Variants in PPARGC1A observed in about 807,000 individuals in gnomAD.
PPARGC1A encodes the protein PPARG coactivator 1 alpha, also known as peroxisome proliferator-activated receptor gamma coactivator 1-alpha.
Under a neutral mutation model 88.7 loss-of-function variants are expected in PPARGC1A, and 25 were observed. The observed-to-expected ratio is 0.28, with a 90% CI of 0.21 to 0.39. The LOEUF is 0.39. PPARGC1A is among the 10% of genes least tolerant of loss of function. The pLI, the probability that PPARGC1A is intolerant of heterozygous loss-of-function variation, is 1.00. For missense variants in PPARGC1A, 880 were observed against 968.7 expected, an observed-to-expected ratio of 0.91 and a Z score of 1.22; for synonymous variants, 363 against 355.6, an observed-to-expected ratio of 1.02 and a Z score of -0.24.
At chr4:24,386,463 C>A in the PPARGC1A span, among the ~76,000 whole-genome samples, 1 of 152,198 alleles carries the variant, frequency 6.6e-6, no homozygotes, top group Non-Finnish European at 1.5e-5. Flanking sequence ...TCTCTGTTTG[C>A]AGATGACATG....
chr4:23,899,088 C>CG (rs928726793), intron 1 of PPARGC1A, among the ~76,000 whole-genome samples: 2 of 152,144 alleles, frequency 1.3e-5, no homozygotes, highest in Admixed American at 6.5e-5. Flanking sequence ...GATCCACCCC[C>CG]CCCCGGCCTT....
chr4:24,176,909 C>A, the PPARGC1A span, among the ~76,000 whole-genome samples: 5 of 152,124 alleles, frequency 3.3e-5, no homozygotes, highest in African/African-American at 9.7e-5. Context: ...GAAACTTAAC[C>A]TTTTCAATTC....
At chr4:23,903,199 C>G (rs942204417), upstream of PPARGC1A, among the ~76,000 whole-genome samples, 1 of 152,084 alleles carries the variant, frequency 6.6e-6, no homozygotes. Flanking sequence ...AAAAGAATAT[C>G]AAGCATCATT....
At chr4:23,906,797 T>C (rs1385884288), upstream of PPARGC1A, among the ~76,000 whole-genome samples, 1 of 151,944 alleles carries the variant, frequency 6.6e-6, no homozygotes, top group South Asian at 2.1e-4. Context: ...TAGTCAAATA[T>C]GAAAAGGGTC....
intron 2 of PPARGC1A, among the ~76,000 whole-genome samples, chr4:23,838,450 T>G (rs1468700132): frequency 6.6e-6 from 1 of 152,090 alleles, no homozygotes; most frequent in Non-Finnish European, 1.5e-5. Context: ...GGGCTGAGAA[T>G]AAGGTATGGG....
the PPARGC1A span, among the ~76,000 whole-genome samples, chr4:23,954,366 G>A: frequency 6.6e-6 from 1 of 151,912 alleles, no homozygotes; most frequent in Non-Finnish European, 1.5e-5. Context: ...TTAAGCAACG[G>A]TCATTTTAGA....
rs113705315 is a variant in PPARGC1A at position 23,867,330 on chromosome 4, T to C, written c.234+17422A>G. ...GCATTATGTACTTAATACATCTTTG[T>C]ATTATGCGCACTTAAATTAGTGCCT... On this transcript the variant is annotated intron_variant, in intron 2 of 12. Transcript: ENST00000264867. Among the ~76,000 whole-genome samples, 1,203 of 152,324 alleles carry C rather than the reference T, an allele frequency of 7.9e-3. 22 individuals carry two copies. The highest frequency in any genetic ancestry group is 0.07 in the South Asian group (337 of 4,822).
At chr4:23,884,121 T>C (rs1403596795) in intron 2 of PPARGC1A, 2 of 152,192 alleles carry the variant, frequency 1.3e-5, no homozygotes, top group African/African-American at 4.8e-5. Flanking sequence ...ATTAACATTC[T>C]TTATTATAGG....
At chr4:23,807,938 A>C (rs2109397445) in intron 10 of PPARGC1A, among the ~76,000 whole-genome samples, 1 of 152,274 alleles carries the variant, frequency 6.6e-6, no homozygotes, top group South Asian at 2.1e-4. Context: ...ACCCACACAA[A>C]ATATCTCTTT....
At chr4:24,110,897 A>T in the PPARGC1A span, among the ~76,000 whole-genome samples, 2 of 152,228 alleles carry the variant, frequency 1.3e-5, no homozygotes, top group Non-Finnish European at 1.5e-5. Context: ...ACATGAAAGA[A>T]ACATGTCTGA....
the PPARGC1A span, among the ~76,000 whole-genome samples, chr4:24,336,619 G>A: frequency 0.2 from 29,988 of 152,002 alleles, 3,170 homozygotes; most frequent in African/African-American, 0.24. Flanking sequence ...TTACATACAT[G>A]CATGCACTGT....
At chr4:23,977,939 GA>G in the PPARGC1A span, among the ~76,000 whole-genome samples, 2 of 152,142 alleles carry the variant, frequency 1.3e-5, no homozygotes, top group South Asian at 4.1e-4. Context: ...TCTGTTTTCA[GA>G]AACTATGGGT....
the PPARGC1A span, among the ~76,000 whole-genome samples, chr4:24,451,769 G>T: frequency 4.6e-5 from 7 of 152,088 alleles, no homozygotes; most frequent in Non-Finnish European, 1.5e-5. Context: ...GTAGAGATGG[G>T]GTTTCACCAC....
At chr4:24,351,638 C>T in the PPARGC1A span, among the ~76,000 whole-genome samples, 1,548 of 152,104 alleles carry the variant, frequency 0.01, 34 homozygotes, top group African/African-American at 0.035. Flanking sequence ...TAACCTAAGA[C>T]CCTCTCCAAA....
chr4:23,935,169 C>T, the PPARGC1A span, among the ~76,000 whole-genome samples: 2 of 152,132 alleles, frequency 1.3e-5, no homozygotes, highest in South Asian at 4.1e-4. Flanking sequence ...TGCTCGCATG[C>T]CTGGGAGGTA....
chr4:24,194,503 C>T, the PPARGC1A span, among the ~76,000 whole-genome samples: 1 of 152,112 alleles, frequency 6.6e-6, no homozygotes, highest in African/African-American at 2.4e-5. Context: ...TTAAATCACT[C>T]GCACTAAGTA....
the PPARGC1A span, among the ~76,000 whole-genome samples, chr4:23,987,564 G>A: frequency 6.6e-6 from 1 of 151,806 alleles, no homozygotes; most frequent in Non-Finnish European, 1.5e-5. Context: ...ACTGCTTCCT[G>A]GAAGCCTTTC....
chr4:23,855,000 A>G (rs929660777), intron 2 of PPARGC1A, among the ~76,000 whole-genome samples: 1 of 152,078 alleles, frequency 6.6e-6, no homozygotes, highest in African/African-American at 2.4e-5. Context: ...TGTAGGAGGA[A>G]CCCAGTGGGA....
At chr4:24,230,960 A>T in the PPARGC1A span, among the ~76,000 whole-genome samples, 8 of 148,606 alleles carry the variant, frequency 5.4e-5, no homozygotes, top group African/African-American at 1.2e-4. Flanking sequence ...TAAAAAAAAT[A>T]AAAAAAGACG....
Sources: allele counts gnomAD v4.1 joint callset (sites outside exome capture counted in the v4.1 genomes callset), GRCh38; gene constraint gnomAD v4.1.1; transcripts MANE v1.5; gene names NCBI Gene and HGNC (gene_info 2026-07-23, HGNC 2026-07-21).